COBL: variants seen among roughly 807,000 people sequenced by gnomAD.
COBL encodes the protein cordon-bleu WH2 repeat protein.
In COBL, 51 loss-of-function variants were observed where a neutral mutation model predicts 98.8. The observed-to-expected ratio is 0.52, with a 90% CI of 0.41 to 0.65. The LOEUF (loss-of-function observed/expected upper bound fraction) is 0.65. Ranked by LOEUF, COBL falls within the 30% of genes least tolerant of loss-of-function variation. The pLI, the probability that COBL is intolerant of heterozygous loss-of-function variation, is 0.00. For missense variants in COBL, 1,617 were observed against 1,617.5 expected, an observed-to-expected ratio of 1.00 and a Z score of 0.01; for synonymous variants, 634 against 651.7, an observed-to-expected ratio of 0.97 and a Z score of 0.41.
chr7:51,077,622 G>A (rs1281717747), intron 7 of COBL, among the ~76,000 whole-genome samples: 2 of 152,218 alleles, frequency 1.3e-5, no homozygotes, highest in Non-Finnish European at 2.9e-5. Context: ...TTCTACAGCA[G>A]GAAGTAATTT....
Position 51,297,171 on chromosome 7 carries a change from C to T in COBL, c.41+19422G>A, listed in dbSNP as rs77357985. ...GTTAACACCCACCGGGGAAGAATCCCACCCTCATTTTTACGTAGGTAGACT... is the reference window on the plus strand; with the variant it reads ...GTTAACACCCACCGGGGAAGAATCCTACCCTCATTTTTACGTAGGTAGACT... On this transcript the variant is annotated intron_variant, in intron 1 of 12. Coordinates refer to ENST00000265136, the MANE Select transcript of COBL (RefSeq NM_015198.5). Among the ~76,000 whole-genome samples, 722 of 152,220 alleles carry T rather than the reference C, an allele frequency of 4.7e-3. 3 individuals are homozygous for T. The highest frequency in any genetic ancestry group is 0.016 in the African/African-American group (671 of 41,548).
At chr7:51,224,536 G>A (rs1793995342) in intron 1 of COBL, among the ~76,000 whole-genome samples, 1 of 151,774 alleles carries the variant, frequency 6.6e-6, no homozygotes, top group Non-Finnish European at 1.5e-5. Flanking sequence ...ACAAAGCCTG[G>A]GGCAGGAGGA....
chr7:51,184,797 A>G (rs1457625222), intron 4 of COBL, among the ~76,000 whole-genome samples: 2 of 152,242 alleles, frequency 1.3e-5, no homozygotes, highest in East Asian at 3.9e-4. Flanking sequence ...AGACTGCGAC[A>G]TCAGTGCAAT....
chr7:51,153,630 G>A (rs540855426), intron 5 of COBL, among the ~76,000 whole-genome samples: 7 of 152,288 alleles, frequency 4.6e-5, no homozygotes, highest in African/African-American at 1.7e-4. Context: ...TATGACTGCT[G>A]ATAGCCAGTG....
chr7:51,172,754 G>C (rs1384572400), intron 5 of COBL, among the ~76,000 whole-genome samples: 1 of 152,114 alleles, frequency 6.6e-6, no homozygotes, highest in African/African-American at 2.4e-5. Context: ...TCATAGGAAT[G>C]AGTTTTCTTT....
intron 7 of COBL, among the ~76,000 whole-genome samples, chr7:51,046,206 A>G (rs1320648078): frequency 6.6e-6 from 1 of 152,180 alleles, no homozygotes; most frequent in African/African-American, 2.4e-5. Context: ...CCCGTCCAGG[A>G]AAGACCAGGC....
At chr7:51,037,556 T>C (rs73695207) in intron 8 of COBL, among the ~76,000 whole-genome samples, 3,406 of 152,310 alleles carry the variant, frequency 0.022, 132 homozygotes, top group Admixed American at 0.086. Context: ...GAGCTGTGTG[T>C]GAGGCACACA....
At chr7:51,212,175 A>G (rs545631072) in intron 2 of COBL, among the ~76,000 whole-genome samples, 2 of 152,312 alleles carry the variant, frequency 1.3e-5, no homozygotes, top group South Asian at 4.1e-4. Flanking sequence ...ACTTAATAGA[A>G]TTATTATACT....
At chr7:51,036,336 CA>C (rs59610375) in intron 8 of COBL, among the ~76,000 whole-genome samples, 85 of 94,166 alleles carry the variant, frequency 9.0e-4, no homozygotes, top group East Asian at 2.0e-3. Flanking sequence ...GACTCCGTCT[CA>C]AAAAAAAAAA....
intron 1 of COBL, among the ~76,000 whole-genome samples, chr7:51,298,820 T>C (rs751638934): frequency 6.6e-6 from 1 of 152,188 alleles, no homozygotes; most frequent in Non-Finnish European, 1.5e-5. Context: ...CATCCAAAAC[T>C]GTAAACAAGC....
At chr7:51,260,209 C>A (rs781192446) in intron 1 of COBL, 1 of 691,250 alleles carries the variant, frequency 1.4e-6, no homozygotes. Context: ...AACTCTACCA[C>A]ATGGGGAAGA....
intron 8 of COBL, chr7:51,031,181 GGT>G (rs1262283149): frequency 6.5e-5 from 25 of 385,290 alleles, no homozygotes; most frequent in South Asian, 1.7e-4. Context: ...TGTGATATAT[GGT>G]GTGTGTGTGG....
chr7:51,245,549 G>T (rs766916372), intron 1 of COBL, among the ~76,000 whole-genome samples: 4 of 152,112 alleles, frequency 2.6e-5, no homozygotes, highest in East Asian at 1.9e-4. Context: ...TCTGTCCAAT[G>T]AATGAATTAC....
At chr7:51,150,168 C>T (rs534926984) in intron 5 of COBL, among the ~76,000 whole-genome samples, 1 of 152,276 alleles carries the variant, frequency 6.6e-6, no homozygotes, top group African/African-American at 2.4e-5. Flanking sequence ...ATGGGTACAC[C>T]TTGGGCTCAC....
chr7:51,228,432 T>C lies in COBL; in HGVS notation c.42-8488A>G, dbSNP rs115923988. ...AAAAAAGAAGCAGGCCTCTTGTCTC[T>C]GCGAGGGTAGAGTAGAAGCTGGCTC... On this transcript the variant is annotated intron_variant, in intron 1 of 12. Transcript: ENST00000265136. Among the ~76,000 whole-genome samples, 1,141 of 151,834 alleles carry C rather than the reference T, an allele frequency of 7.5e-3. 15 individuals carry two copies. The highest frequency in any genetic ancestry group is 0.027 in the African/African-American group (1,100 of 41,414).
intron 4 of COBL, among the ~76,000 whole-genome samples, chr7:51,186,849 C>T (rs1012910894): frequency 1.3e-5 from 2 of 152,184 alleles, no homozygotes; most frequent in African/African-American, 2.4e-5. Flanking sequence ...ACTCAGTGTT[C>T]CCATCAGCCA....
intron 10 of COBL, among the ~76,000 whole-genome samples, chr7:51,027,391 G>C (rs1787678909): frequency 6.6e-6 from 1 of 152,198 alleles, no homozygotes. Context: ...TAACCATATG[G>C]ATGGGCCTGC....
chr7:51,268,284 C>G (rs1313335416), intron 1 of COBL, among the ~76,000 whole-genome samples: 2 of 152,188 alleles, frequency 1.3e-5, no homozygotes, highest in African/African-American at 2.4e-5. Context: ...AGTAATTTGT[C>G]TAAAAGGAAA....
At chr7:51,207,424 C>A (rs1227625293) in intron 2 of COBL, among the ~76,000 whole-genome samples, 1 of 152,126 alleles carries the variant, frequency 6.6e-6, no homozygotes, top group Non-Finnish European at 1.5e-5. Flanking sequence ...CTCTCCCTCG[C>A]ACTTGCCCCA....
Sources: allele counts gnomAD v4.1 joint callset (sites outside exome capture counted in the v4.1 genomes callset), GRCh38; gene constraint gnomAD v4.1.1; transcripts MANE v1.5; gene names NCBI Gene and HGNC (gene_info 2026-07-23, HGNC 2026-07-21).